The following CNTNAP5 variants were observed in gnomAD, a reference collection of about 807,000 sequenced individuals.
CNTNAP5 encodes contactin-associated protein-like 5.
In CNTNAP5, 72 loss-of-function variants were observed where a neutral mutation model predicts 150.2. The observed-to-expected ratio is 0.48, with a 90% CI of 0.40 to 0.58. The LOEUF (loss-of-function observed/expected upper bound fraction) is 0.58. Among genes scored for constraint, CNTNAP5 ranks in the 20% least tolerant of loss-of-function variants. CNTNAP5 has a pLI of 0.00. For synonymous variants in CNTNAP5, 672 were observed against 619.8 expected (o/e 1.08, Z -1.25); for missense variants, 1,636 against 1,626.2 (o/e 1.01, Z -0.10).
chr2:124,827,126 G>A (rs543870316), intron 19 of CNTNAP5, among the ~76,000 whole-genome samples: 1 of 152,206 alleles, frequency 6.6e-6, no homozygotes, highest in South Asian at 2.1e-4. Flanking sequence ...ATCTCCCTGT[G>A]TTGCTCAGGC....
intron 3 of CNTNAP5, among the ~76,000 whole-genome samples, chr2:124,392,739 A>AAG (rs1691150702): frequency 1.3e-5 from 2 of 151,324 alleles, no homozygotes; most frequent in South Asian, 4.2e-4. Flanking sequence ...GAAAAAAAAA[A>AAG]GAAAGGAAGG....
Position 124,151,349 on chromosome 2 carries a change from G to A in CNTNAP5, c.83-70356G>A, listed in dbSNP as rs190418198. Among the ~76,000 whole-genome samples, 2 of 152,268 alleles carry A rather than the reference G, an allele frequency of 1.3e-5. 1 individual carries two copies. Among genetic ancestry groups the A allele is most frequent in the Admixed American group, 1.3e-4 (2 of 15,294 alleles). ...CCGCTAGGTTCATTTTGCACTGCCA[G>A]ATCTCCACAGTGACTCTCCCTTCTC... On this transcript the variant is annotated intron_variant, in intron 1 of 23. Transcript: ENST00000682447.
At chr2:124,357,446 C>T (rs1690045576) in intron 3 of CNTNAP5, among the ~76,000 whole-genome samples, 1 of 151,928 alleles carries the variant, frequency 6.6e-6, no homozygotes, top group African/African-American at 2.4e-5. Context: ...TTAGGTCTAA[C>T]ATTTAAGTCT....
chr2:124,273,893 T>C (rs1317004374), intron 3 of CNTNAP5, among the ~76,000 whole-genome samples: 1 of 152,178 alleles, frequency 6.6e-6, no homozygotes, highest in Non-Finnish European at 1.5e-5. Context: ...ACCAACTACA[T>C]ATGTCCAGTT....
intron 1 of CNTNAP5, among the ~76,000 whole-genome samples, chr2:124,054,133 A>C (rs929906534): frequency 2.6e-5 from 4 of 152,180 alleles, no homozygotes; most frequent in African/African-American, 9.7e-5. Context: ...AACACCAAGA[A>C]GCAAACAGAG....
intron 10 of CNTNAP5, among the ~76,000 whole-genome samples, chr2:124,554,231 C>A (rs1558951424): frequency 6.6e-6 from 1 of 151,922 alleles, no homozygotes; most frequent in Non-Finnish European, 1.5e-5. Context: ...ATACTTTAAA[C>A]TACATATGTG....
chr2:124,754,391 T>A (rs4848260), intron 14 of CNTNAP5, among the ~76,000 whole-genome samples: 91,549 of 151,920 alleles, frequency 0.6, 28,442 homozygotes, highest in East Asian at 0.96. Flanking sequence ...TTAGGAAGGG[T>A]TTATGTGGGT....
intron 13 of CNTNAP5, among the ~76,000 whole-genome samples, chr2:124,741,589 C>G (rs1558757996): frequency 6.6e-6 from 1 of 152,090 alleles, no homozygotes; most frequent in African/African-American, 2.4e-5. Flanking sequence ...TTCTATAAAA[C>G]ATATATATTT....
intron 1 of CNTNAP5, among the ~76,000 whole-genome samples, chr2:124,152,625 A>G (rs1270371946): frequency 6.6e-6 from 1 of 152,054 alleles, no homozygotes; most frequent in Admixed American, 6.6e-5. Context: ...ATGTGGAGGG[A>G]CATGGGCTGA....
At chr2:124,512,662 A>G (rs901378725) in intron 8 of CNTNAP5, among the ~76,000 whole-genome samples, 3 of 152,192 alleles carry the variant, frequency 2.0e-5, no homozygotes, top group Admixed American at 1.3e-4. Context: ...ACCGTATAAC[A>G]TTTCACTCTT....
chr2:124,508,172 A>T (rs1226360754), intron 8 of CNTNAP5, among the ~76,000 whole-genome samples: 1 of 152,208 alleles, frequency 6.6e-6, no homozygotes, highest in South Asian at 2.1e-4. Flanking sequence ...GCTATTTAAC[A>T]CATTTTTCTT....
chr2:124,349,499 A>G (rs1689820898), intron 3 of CNTNAP5, among the ~76,000 whole-genome samples: 1 of 152,090 alleles, frequency 6.6e-6, no homozygotes, highest in Non-Finnish European at 1.5e-5. Flanking sequence ...ACTGATGTTC[A>G]CATCCCTCAT....
rs1357907496 is a variant in CNTNAP5 at position 124,434,488 on chromosome 2, A to G, written c.534A>G (p.Ser178=). Residue 178 remains serine, a synonymous_variant, in exon 5 of 24, where the codon TCA becomes TCG. Coordinates refer to ENST00000682447, the MANE Select transcript of CNTNAP5 (RefSeq NM_001367498.1). The stretch of plus-strand genomic sequence containing the variant: ...CCGCTCCTTCTTTGTTCCCAGAATC[A>G]GATGTTGCTGACTTTGATGGCCGAA... ...RVEVYGCSYK[S]DVADFDGRSS... 2 of 1,613,462 alleles carry G rather than the reference A, an allele frequency of 1.2e-6. No individual in the cohort carries two copies. The highest frequency in any genetic ancestry group is 1.7e-6 in the Non-Finnish European group (2 of 1,179,376).
chr2:124,560,264 T>A (rs1173441402), intron 10 of CNTNAP5, among the ~76,000 whole-genome samples: 3 of 152,138 alleles, frequency 2.0e-5, no homozygotes, highest in African/African-American at 7.2e-5. Flanking sequence ...TCCCAGCACT[T>A]TGAGAGGCCG....
At chr2:124,056,916 T>A (rs1360052609) in intron 1 of CNTNAP5, among the ~76,000 whole-genome samples, 1 of 152,190 alleles carries the variant, frequency 6.6e-6, no homozygotes, top group African/African-American at 2.4e-5. Context: ...TTCTCAGCAT[T>A]TTCTCCAAGT....
intron 1 of CNTNAP5, among the ~76,000 whole-genome samples, chr2:124,067,511 C>A (rs1682190721): frequency 6.6e-6 from 1 of 152,144 alleles, no homozygotes; most frequent in South Asian, 2.1e-4. Flanking sequence ...GCCTTTAGAT[C>A]CCCACAGATA....
At chr2:124,521,571 T>C (rs1247651627) in intron 8 of CNTNAP5, among the ~76,000 whole-genome samples, 1 of 152,154 alleles carries the variant, frequency 6.6e-6, no homozygotes, top group Admixed American at 6.5e-5. Context: ...ACATGATAGA[T>C]ACCTAATTCG....
chr2:124,915,382 A>G lies in CNTNAP5; in HGVS notation c.*1094A>G, dbSNP rs1006060144. 2 of 166,746 alleles carry G rather than the reference A, an allele frequency of 1.2e-5. No individual in the cohort carries two copies. Among genetic ancestry groups the G allele is most frequent in the African/African-American group, 4.8e-5 (2 of 41,584 alleles). 10.3% of individuals were successfully genotyped at this position (166,746 alleles called of 1,614,324 possible). On this transcript the variant is annotated 3_prime_UTR_variant, in exon 24 of 24. Transcript: ENST00000682447. Reference sequence around the variant, plus strand: ...AAAAATGAAAAAAAAACTGCATGAAAGAAGAAAAATACCAAACAGAATTCT... The same window carrying G: ...AAAAATGAAAAAAAAACTGCATGAAGGAAGAAAAATACCAAACAGAATTCT...
chr2:124,360,228 C>T (rs1364326519), intron 3 of CNTNAP5, among the ~76,000 whole-genome samples: 1 of 151,588 alleles, frequency 6.6e-6, no homozygotes, highest in Non-Finnish European at 1.5e-5. Context: ...TTCCTGAATA[C>T]AGCACACTGA....
Sources: gnomAD v4.1 joint callset for allele counts (sites outside exome capture counted in the v4.1 genomes callset) on GRCh38, gnomAD v4.1.1 for gene constraint, MANE v1.5 for transcripts, NCBI Gene and HGNC (gene_info 2026-07-23, HGNC 2026-07-21) for gene names.